SNTG1: variants seen among roughly 807,000 people sequenced by gnomAD.
SNTG1 encodes the protein syntrophin gamma 1, also known as gamma-1-syntrophin.
A neutral mutation model predicts 74.7 loss-of-function variants in SNTG1; 39 were observed. The ratio of observed to expected loss-of-function variants is 0.52; its 90% CI spans 0.40 to 0.68. The LOEUF is 0.68. SNTG1 is among the 30% of genes least tolerant of loss of function. The probability of loss-of-function intolerance (pLI) is 0.00; values close to 1 mark genes in which losing one functional copy is unlikely to be tolerated. For synonymous variants in SNTG1, 254 were observed against 217.1 expected (o/e 1.17, Z -1.49); for missense variants, 685 against 609.5 (o/e 1.12, Z -1.30).
At chr8:49,921,110 G>A (rs547386004) in intron 1 of SNTG1, among the ~76,000 whole-genome samples, 3 of 152,176 alleles carry the variant, frequency 2.0e-5, no homozygotes, top group South Asian at 2.1e-4. Flanking sequence ...CAGAGCTACC[G>A]AAGTGGAGAT....
intron 1 of SNTG1, among the ~76,000 whole-genome samples, chr8:49,991,648 T>G (rs1303766271): frequency 6.6e-6 from 1 of 152,168 alleles, no homozygotes; most frequent in Non-Finnish European, 1.5e-5. Flanking sequence ...TAATGATACA[T>G]GCTGTATAAC....
intron 1 of SNTG1, among the ~76,000 whole-genome samples, chr8:50,097,612 A>G (rs2079976830): frequency 6.6e-6 from 1 of 151,904 alleles, no homozygotes. Flanking sequence ...AGATCGCGCC[A>G]CAGCACTCCA....
At chr8:50,581,268 G>A (rs1030989161) in intron 12 of SNTG1, among the ~76,000 whole-genome samples, 2 of 152,188 alleles carry the variant, frequency 1.3e-5, no homozygotes, top group African/African-American at 4.8e-5. Context: ...TAGATCACTT[G>A]CAGAAGTCAC....
At position 50,547,003 on chromosome 8, in the gene SNTG1, G is replaced by A. The variant is rs994512984; in HGVS notation, c.681-6047G>A. On this transcript the variant is annotated intron_variant, in intron 11 of 18. Transcript: ENST00000642720. ...TTGCCATGTTGGCCAGGCTGGTCTC[G>A]AACTCATGATCTCAAGTGATCCACC... 4.6e-5 allele frequency among the ~76,000 whole-genome samples: 7 copies of A among 152,120 alleles called. No homozygotes were observed. The Middle Eastern group carries it at 0.01, about 222-fold the overall frequency.
At chr8:50,119,511 G>C (rs1231491616) in intron 1 of SNTG1, among the ~76,000 whole-genome samples, 2 of 141,554 alleles carry the variant, frequency 1.4e-5, no homozygotes, top group Non-Finnish European at 3.1e-5. Context: ...TGATGGCAAG[G>C]ACATGGAATT....
intron 1 of SNTG1, among the ~76,000 whole-genome samples, chr8:50,146,312 G>A (rs189210495): frequency 2.0e-5 from 3 of 152,256 alleles, no homozygotes; most frequent in East Asian, 1.9e-4. Flanking sequence ...GAGGTCAGGA[G>A]TTCGCGACCA....
chr8:50,115,457 T>A (rs2080775940), intron 1 of SNTG1, among the ~76,000 whole-genome samples: 1 of 149,870 alleles, frequency 6.7e-6, no homozygotes, highest in Non-Finnish European at 1.5e-5. Flanking sequence ...TCTCAGCTAC[T>A]GGGGTGGCTA....
chr8:50,038,297 A>G (rs367664881), intron 1 of SNTG1, among the ~76,000 whole-genome samples: 2 of 152,136 alleles, frequency 1.3e-5, no homozygotes, highest in African/African-American at 2.4e-5. Context: ...GTACTGCAGA[A>G]TGGGCTCCTC....
At chr8:50,057,730 A>G (rs753098374) in intron 1 of SNTG1, among the ~76,000 whole-genome samples, 3 of 152,096 alleles carry the variant, frequency 2.0e-5, no homozygotes, top group Non-Finnish European at 4.4e-5. Context: ...AAGACCTGCA[A>G]CCTGGGACTG....
chr8:50,499,576 T>G (rs970033564), intron 8 of SNTG1, among the ~76,000 whole-genome samples: 1 of 151,778 alleles, frequency 6.6e-6, no homozygotes, highest in South Asian at 2.1e-4. Flanking sequence ...TGACTAAAAG[T>G]AGACAGTGTG....
chr8:50,410,222 G>T (rs2092929640), intron 4 of SNTG1, among the ~76,000 whole-genome samples: 2 of 152,098 alleles, frequency 1.3e-5, no homozygotes, highest in Non-Finnish European at 2.9e-5. Context: ...ACCTATTATG[G>T]ATAGATTCTT....
intron 2 of SNTG1, among the ~76,000 whole-genome samples, chr8:50,389,855 T>C (rs187841884): frequency 6.6e-6 from 1 of 152,380 alleles, no homozygotes; most frequent in East Asian, 1.9e-4. Flanking sequence ...CATTTTTTCA[T>C]GTGCCTTTTG....
At chr8:50,538,244 A>T (rs2094321408) in intron 11 of SNTG1, among the ~76,000 whole-genome samples, 1 of 152,264 alleles carries the variant, frequency 6.6e-6, no homozygotes, top group South Asian at 2.1e-4. Flanking sequence ...TATACATCAA[A>T]CACTATATCG....
intron 2 of SNTG1, among the ~76,000 whole-genome samples, chr8:50,273,072 C>A (rs1384364315): frequency 6.6e-6 from 1 of 151,958 alleles, no homozygotes; most frequent in African/African-American, 2.4e-5. Context: ...TTTATAATTA[C>A]AAATAAGAAA....
Position 50,526,661 on chromosome 8 carries a change from ATT to A in SNTG1, c.467-3510_467-3509del, listed in dbSNP as rs1156908299. Among the ~76,000 whole-genome samples, 72 of 63,730 alleles carry A rather than the reference ATT, an allele frequency of 1.1e-3. 2 individuals are homozygous for A. In the South Asian group the frequency reaches 0.014, roughly 12 times the overall value. 41.8% of individuals were successfully genotyped at this position (63,730 alleles called of 152,430 possible). ...TATATACACGCATATATATATATAT[ATT>A]TTTTTGAGATGGAGTCTCCCCCTGT... On this transcript the variant is annotated intron_variant, in intron 9 of 18. Coordinates refer to ENST00000642720, the MANE Select transcript of SNTG1 (RefSeq NM_018967.5).
chr8:50,757,082 G>GT (rs1432898174), intron 18 of SNTG1, among the ~76,000 whole-genome samples: 1 of 151,494 alleles, frequency 6.6e-6, no homozygotes, highest in Non-Finnish European at 1.5e-5. Context: ...GTTAAGTATG[G>GT]TATCAGCTCT....
chr8:50,265,004 G>C (rs543722808), intron 2 of SNTG1, among the ~76,000 whole-genome samples: 1 of 151,996 alleles, frequency 6.6e-6, no homozygotes, highest in African/African-American at 2.4e-5. Flanking sequence ...CTTCTTCCAA[G>C]GTTAAAAGCT....
intron 1 of SNTG1, among the ~76,000 whole-genome samples, chr8:50,083,159 C>T (rs79094679): frequency 6.6e-6 from 1 of 152,104 alleles, no homozygotes; most frequent in Non-Finnish European, 1.5e-5. Context: ...TTTAACTATT[C>T]TTAGCTGAAA....
At chr8:50,174,072 A>G (rs2082905780) in intron 2 of SNTG1, among the ~76,000 whole-genome samples, 1 of 152,120 alleles carries the variant, frequency 6.6e-6, no homozygotes, top group African/African-American at 2.4e-5. Flanking sequence ...CCACTTACAC[A>G]TGAGAACATG....
Sources: gnomAD v4.1 joint callset for allele counts (sites outside exome capture counted in the v4.1 genomes callset) on GRCh38, gnomAD v4.1.1 for gene constraint, MANE v1.5 for transcripts, NCBI Gene and HGNC (gene_info 2026-07-23, HGNC 2026-07-21) for gene names.